The following TIPIN variants were observed in gnomAD, a reference collection of about 807,000 sequenced individuals.
TIPIN encodes TIMELESS-interacting protein.
A neutral mutation model predicts 35.6 loss-of-function variants in TIPIN; 29 were observed. The ratio of observed to expected loss-of-function variants is 0.82; its 90% CI spans 0.61 to 1.11. TIPIN has a LOEUF of 1.11. TIPIN is among the 50% of genes most tolerant of loss of function. The probability of loss-of-function intolerance (pLI) is 0.00; values close to 1 mark genes in which losing one functional copy is unlikely to be tolerated. For missense variants in TIPIN, 296 were observed against 345.4 expected (o/e 0.86, Z 1.13); for synonymous variants, 102 against 121.5 (o/e 0.84, Z 1.06).
At chr15:66,369,444 G>A (rs2093269864) in intron 1 of TIPIN, among the ~76,000 whole-genome samples, 1 of 149,106 alleles carries the variant, frequency 6.7e-6, no homozygotes, top group Non-Finnish European at 1.5e-5. Context: ...CGCCTCCCGG[G>A]TTCACGCCAT....
chr15:66,384,732 G>C (rs1033857412), intron 1 of TIPIN, among the ~76,000 whole-genome samples: 1 of 152,016 alleles, frequency 6.6e-6, no homozygotes, highest in African/African-American at 2.4e-5. Context: ...GGCCAACATG[G>C]TGAAATCCTG....
At chr15:66,375,989 T>C (rs2093295361) in intron 1 of TIPIN, among the ~76,000 whole-genome samples, 1 of 151,978 alleles carries the variant, frequency 6.6e-6, no homozygotes, top group Non-Finnish European at 1.5e-5. Flanking sequence ...TAGTCCTAGC[T>C]ATTGGGGAGG....
At chr15:66,375,773 T>A (rs2093294584) in intron 1 of TIPIN, among the ~76,000 whole-genome samples, 1 of 142,586 alleles carries the variant, frequency 7.0e-6, no homozygotes, top group Non-Finnish European at 1.5e-5. Flanking sequence ...ATTGCTCTTT[T>A]GTGCTTACGG....
chr15:66,354,405 TA>T (rs1260452014), intron 1 of TIPIN, among the ~76,000 whole-genome samples: 1 of 152,216 alleles, frequency 6.6e-6, no homozygotes, highest in Non-Finnish European at 1.5e-5. Context: ...TCTTATTTCC[TA>T]AATATCCCTT....
At chr15:66,358,668 C>T (rs1268237573), upstream of TIPIN, among the ~76,000 whole-genome samples, 1 of 152,172 alleles carries the variant, frequency 6.6e-6, no homozygotes, top group Admixed American at 6.5e-5. Context: ...CTCCCCTCCT[C>T]AGCCTCCCAA....
intron 1 of TIPIN, chr15:66,366,731 C>A (rs566548167): frequency 1.5e-4 from 108 of 728,978 alleles, no homozygotes; most frequent in Admixed American, 7.5e-4. Flanking sequence ...TGCACCATTG[C>A]ACTCTAGCCT....
chr15:66,356,629 C>G lies in TIPIN; in HGVS notation c.-9+10G>C. 2.1e-6 allele frequency: 2 copies of G among 972,848 alleles called. No homozygotes were observed. The highest frequency in any genetic ancestry group is 9.7e-5 in the South Asian group (2 of 20,666). 60.3% of individuals were successfully genotyped at this position (972,848 alleles called of 1,614,324 possible). On this transcript the variant is annotated intron_variant, in intron 1 of 7. Coordinates refer to ENST00000261881, the MANE Select transcript of TIPIN (RefSeq NM_017858.3). ...GCAAGAACTTCATTGGCCCGCCAGC[C>G]AGCTCTCACCTCACGCAGAAAACAC...
In TIPIN at chr15:66,380,857, A is replaced by T. The variant is rs114282919; in HGVS notation, c.-9+5750T>A. On this transcript the variant is annotated intron_variant, in intron 1 of 7. Transcript: ENST00000562124. Reference sequence around the variant, plus strand: ...AGAGATCCTAGGTTTTTCTAGAAGTACTGTTAAAAAATATTAATCCCTACT... The same window carrying T: ...AGAGATCCTAGGTTTTTCTAGAAGTTCTGTTAAAAAATATTAATCCCTACT... 8.7e-3 allele frequency among the ~76,000 whole-genome samples: 1,324 copies of T among 152,176 alleles called. 15 individuals carry two copies. Among genetic ancestry groups the T allele is most frequent in the African/African-American group, 0.03 (1,247 of 41,524 alleles).
intron 1 of TIPIN, among the ~76,000 whole-genome samples, chr15:66,373,665 C>T (rs2093285641): frequency 6.6e-6 from 1 of 152,030 alleles, no homozygotes; most frequent in Admixed American, 6.6e-5. Flanking sequence ...TCATTATCAA[C>T]ATTTGATATT....
In TIPIN at chr15:66,364,128, A is replaced by T. The variant is rs575113372; in HGVS notation, c.-8-11173T>A. Among the ~76,000 whole-genome samples, 392 of 147,828 alleles carry T rather than the reference A, an allele frequency of 2.7e-3. 1 individual carries two copies. Among genetic ancestry groups the T allele is most frequent in the Admixed American group, 4.3e-3 (63 of 14,778 alleles). ...CGGCAGGGACAAATATCCAAACCAT[A>T]TCAACATGCTATAGAGAAATCTTTC... is the stretch of plus-strand genomic sequence containing the variant. On this transcript the variant is annotated intron_variant, in intron 1 of 7. Transcript: ENST00000562124.
intron 1 of TIPIN, among the ~76,000 whole-genome samples, chr15:66,364,318 G>A (rs531650221): frequency 6.5e-4 from 99 of 151,526 alleles, no homozygotes; most frequent in African/African-American, 2.1e-3. Flanking sequence ...GATGGGCGCC[G>A]CCATGCCCAG....
chr15:66,375,228 A>G (rs915146502), intron 1 of TIPIN, among the ~76,000 whole-genome samples: 6 of 152,082 alleles, frequency 3.9e-5, no homozygotes, highest in Non-Finnish European at 7.4e-5. Context: ...GCAGTGCACT[A>G]TGATTGTGCT....
At chr15:66,382,871 T>C (rs16949838) in intron 1 of TIPIN, 1 of 810,032 alleles carries the variant, frequency 1.2e-6, no homozygotes, top group Non-Finnish European at 1.5e-6. Context: ...TTCAGTCTTA[T>C]TCTTGTCTGT....
intron 5 of TIPIN, 55 bp from the exon 6 acceptor site, chr15:66,349,178 G>T (rs2093150124): frequency 1.3e-6 from 2 of 1,595,586 alleles, no homozygotes; most frequent in South Asian, 2.2e-5. Context: ...ATGTTGGGGG[G>T]AGATAATTTG....
At chr15:66,338,128 C>T (rs1034330032) in intron 7 of TIPIN, among the ~76,000 whole-genome samples, 3 of 151,976 alleles carry the variant, frequency 2.0e-5, no homozygotes, top group East Asian at 1.9e-4. Context: ...TGGTGGAGCA[C>T]GCCTGTAATC....
intron 2 of TIPIN, 32 bp from the exon 3 acceptor site, chr15:66,352,239 G>A (rs1226869387): frequency 9.7e-6 from 14 of 1,442,104 alleles, no homozygotes; most frequent in Admixed American, 6.1e-5. Context: ...CAGTATTACT[G>A]TACTTAAATG....
intron 1 of TIPIN, among the ~76,000 whole-genome samples, chr15:66,355,698 C>T (rs2093199831): frequency 6.6e-6 from 1 of 152,078 alleles, no homozygotes; most frequent in Admixed American, 6.6e-5. Context: ...TTGCAGTGAG[C>T]CGAGACCGCG....
intron 1 of TIPIN, among the ~76,000 whole-genome samples, chr15:66,377,881 C>T (rs1342278581): frequency 6.6e-6 from 1 of 151,902 alleles, no homozygotes; most frequent in Non-Finnish European, 1.5e-5. Flanking sequence ...GAGTCTCGCT[C>T]TGTTGCCCCA....
chr15:66,353,393 G>A (rs973044402), intron 1 of TIPIN, among the ~76,000 whole-genome samples: 31 of 151,972 alleles, frequency 2.0e-4, no homozygotes, highest in Admixed American at 9.8e-4. Context: ...CGAGGCGGGC[G>A]GATCACGAGG....
Sources: gnomAD v4.1 joint callset for allele counts (sites outside exome capture counted in the v4.1 genomes callset) on GRCh38, gnomAD v4.1.1 for gene constraint, MANE v1.5 for transcripts, NCBI Gene and HGNC (gene_info 2026-07-23, HGNC 2026-07-21) for gene names.